Variants in MDN1 observed in about 807,000 individuals in gnomAD.
MDN1 encodes midasin.
Under a neutral mutation model 669.2 loss-of-function variants are expected in MDN1, and 266 were observed. The observed-to-expected ratio is 0.40, with a 90% confidence interval of 0.36 to 0.44. MDN1 has a LOEUF of 0.44. Among genes scored for constraint, MDN1 ranks in the 20% least tolerant of loss-of-function variants. The pLI is 1.00. For missense variants in MDN1, 5,940 were observed against 6,754.0 expected, an observed-to-expected ratio of 0.88 and a Z score of 4.22; for synonymous variants, 2,385 against 2,457.1, an observed-to-expected ratio of 0.97 and a Z score of 0.87.
At chr6:89,729,683 T>TG (rs1005968454) in intron 35 of MDN1, among the ~76,000 whole-genome samples, 7 of 147,830 alleles carry the variant, frequency 4.7e-5, no homozygotes, top group Non-Finnish European at 7.5e-5. Flanking sequence ...TTTCGTTTTT[T>TG]TTTTTTTTTT....
At chr6:89,792,924 C>T (rs1350849180) in intron 5 of MDN1, among the ~76,000 whole-genome samples, 2 of 152,092 alleles carry the variant, frequency 1.3e-5, no homozygotes. Context: ...GAGGCTGAGG[C>T]AGAAGAATCA....
At chr6:89,792,593 T>C (rs1325731506) in intron 5 of MDN1, among the ~76,000 whole-genome samples, 1 of 152,074 alleles carries the variant, frequency 6.6e-6, no homozygotes, top group East Asian at 1.9e-4. Context: ...GGGTGTTTGG[T>C]GTTATTTATA....
Position 89,723,586 on chromosome 6 carries a change from C to A in MDN1, c.5704G>T (p.Glu1902Ter). 1 of 1,598,936 alleles carries A rather than the reference C, an allele frequency of 6.3e-7. No individual in the cohort carries two copies. Among genetic ancestry groups the A allele is most frequent in the Non-Finnish European group, 8.5e-7 (1 of 1,171,424 alleles). ...GGAAACAAAGTACTGGCAATGAACT[C>A]CATGTCAATTACTGTAAGGGGATCA... ...FVDPLTVIDM[E>*]FIASTLFPAI... Residue 1902 changes from glutamate (E) to a stop codon, truncating the protein, a stop_gained, in exon 39 of 102, where the codon GAG becomes TAG. Coordinates refer to ENST00000369393, the MANE Select transcript of MDN1 (RefSeq NM_014611.3). LOFTEE classifies it high-confidence loss of function.
intron 67 of MDN1, 78 bp from the exon 68 acceptor site, chr6:89,687,516 C>G: frequency 7.5e-7 from 1 of 1,329,746 alleles, no homozygotes; most frequent in Middle Eastern, 1.8e-4. Context: ...ACATCTTGAA[C>G]TTTGCTTGAG....
At chr6:89,716,604 A>T (rs772838242) in intron 44 of MDN1, 46 bp downstream of exon 44, 1 of 1,562,834 alleles carries the variant, frequency 6.4e-7, no homozygotes. Flanking sequence ...TGACAAGCAT[A>T]TCCCAAATTT....
intron 1 of MDN1, among the ~76,000 whole-genome samples, chr6:89,809,215 CAAAAAAAAAAAAA>C (rs1167270500): frequency 3.4e-5 from 2 of 59,296 alleles, no homozygotes; most frequent in East Asian, 1.0e-3. Flanking sequence ...GACACTGTCT[CAAAAAAAAAAAAA>C]AAAAAAAAAA....
rs140594221 is a variant in MDN1, at chr6:89,694,015, C to T, written c.9881+59G>A. ...ATCACTTCTACTCACACCATAACTA[C>T]ATTACATCAAAAGGAGAGTCAATAA... On this transcript the variant is annotated intron_variant, in intron 62 of 101. Transcript: ENST00000369393. 3.8e-4 allele frequency: 510 copies of T among 1,350,896 alleles called. 2 individuals are homozygous for T. In the African/African-American group the frequency reaches 6.3e-3, roughly 17 times the overall value. The allele number at this position is 1,350,896 out of a possible 1,614,324, so 83.7% of individuals were successfully genotyped here.
At chr6:89,688,260 TC>T (rs1562091572) in intron 66 of MDN1, 87 bp from the exon 67 acceptor site, 3 of 1,185,302 alleles carry the variant, frequency 2.5e-6, no homozygotes, top group South Asian at 1.3e-5. Flanking sequence ...ACCAGAAGAT[TC>T]CCCCCAGTTC....
chr6:89,683,989 AGAGCTCAC>A, intron 71 of MDN1, 85 bp from the exon 72 acceptor site: 2 of 1,010,338 alleles, frequency 2.0e-6, no homozygotes, highest in Middle Eastern at 4.0e-4. Context: ...AGCAAAGACC[AGAGCTCAC>A]TCTATCCCAA....
intron 92 of MDN1, among the ~76,000 whole-genome samples, chr6:89,654,597 C>T (rs531423783): frequency 6.6e-6 from 1 of 152,202 alleles, no homozygotes; most frequent in East Asian, 1.9e-4. Flanking sequence ...GGCTGCCTTC[C>T]GCCCTACAGT....
At chr6:89,691,734 G>A (rs1257647545) in intron 63 of MDN1, among the ~76,000 whole-genome samples, 2 of 152,130 alleles carry the variant, frequency 1.3e-5, no homozygotes, top group Non-Finnish European at 2.9e-5. Context: ...AGCAAACAGA[G>A]TTATCAAATA....
chr6:89,708,407 C>A (rs1813662599), intron 51 of MDN1, 89 bp downstream of exon 51: 12 of 1,497,240 alleles, frequency 8.0e-6, no homozygotes, highest in Non-Finnish European at 1.1e-5. Flanking sequence ...AAATTCAACA[C>A]ACATAAGCTA....
At chr6:89,745,190 C>G in intron 29 of MDN1, 83 bp downstream of exon 29, 1 of 828,544 alleles carries the variant, frequency 1.2e-6, no homozygotes, top group South Asian at 2.3e-5. Flanking sequence ...GGGATTAATA[C>G]TTTCATGAGT....
At position 89,804,049 on chromosome 6, in the gene MDN1, C is replaced by G. The variant is rs139496866; in HGVS notation, c.103-495G>C. ...AGTAGCTGGGATTACAGGCACCCAC[C>G]ACCACACCAGGCTAATTTTTGTTTT... On this transcript the variant is annotated intron_variant, in intron 1 of 101. Coordinates refer to ENST00000369393, the MANE Select transcript of MDN1 (RefSeq NM_014611.3). Among the ~76,000 whole-genome samples the G allele has an allele frequency of 5.7e-3, 865 of 151,642 alleles. 9 individuals are homozygous for G. The highest frequency in any genetic ancestry group is 0.02 in the African/African-American group (810 of 41,326).
At chr6:89,769,520 A>G (rs1170329689) in intron 15 of MDN1, among the ~76,000 whole-genome samples, 1 of 152,184 alleles carries the variant, frequency 6.6e-6, no homozygotes, top group Non-Finnish European at 1.5e-5. Flanking sequence ...GATCCTGTCC[A>G]GGGTCTTGCT....
chr6:89,654,828 CCT>C (rs1194194365), intron 92 of MDN1, among the ~76,000 whole-genome samples: 2 of 152,040 alleles, frequency 1.3e-5, no homozygotes, highest in African/African-American at 4.8e-5. Context: ...TGTATCAAAA[CCT>C]CACACTGTAC....
At chr6:89,668,220 G>C in intron 83 of MDN1, 69 bp from the exon 84 acceptor site, 1 of 1,577,092 alleles carries the variant, frequency 6.3e-7, no homozygotes, top group Non-Finnish European at 8.6e-7. Context: ...TTTCATTCTT[G>C]CCACAGGAAA....
Position 89,652,141 on chromosome 6 carries a change from CAAAA to C in MDN1, c.15915+47_15915+50del, listed in dbSNP as rs750373033. The C allele has an allele frequency of 8.2e-6, 12 of 1,465,870 alleles. No homozygotes were observed. In the East Asian group the frequency reaches 2.8e-4, roughly 34 times the overall value. The allele number at this position is 1,465,870 out of a possible 1,614,324, so 90.8% of individuals were successfully genotyped here. Reference sequence around the variant, plus strand: ...TTAAGTTTGCTATATGTTGAACAAACAAAAAAAAAGTCGAGATATTTTATGAAAA... The same window carrying C: ...TTAAGTTTGCTATATGTTGAACAAACAAAAAGTCGAGATATTTTATGAAAA... On this transcript the variant is annotated intron_variant, in intron 95 of 101. Transcript: ENST00000369393.
chr6:89,743,877 A>G (rs1481526321), intron 29 of MDN1, among the ~76,000 whole-genome samples, 163 bp from the exon 30 acceptor site: 1 of 152,014 alleles, frequency 6.6e-6, no homozygotes, highest in East Asian at 1.9e-4. Flanking sequence ...GCACCCCTCT[A>G]CACGACTGCA....
Sources: allele counts gnomAD v4.1 joint callset (sites outside exome capture counted in the v4.1 genomes callset), GRCh38; gene constraint gnomAD v4.1.1; transcripts MANE v1.5; gene names NCBI Gene and HGNC (gene_info 2026-07-23, HGNC 2026-07-21).